Variants in DTYMK observed in about 807,000 individuals in gnomAD.
The protein encoded by DTYMK is thymidylate kinase.
A neutral mutation model predicts 20.3 loss-of-function variants in DTYMK; 20 were observed. That is an observed-to-expected ratio of 0.99 (90% confidence interval 0.69 to 1.43). The LOEUF (loss-of-function observed/expected upper bound fraction) is 1.43. Ranked by LOEUF, DTYMK falls within the 40% of genes most tolerant of loss-of-function variation. DTYMK has a pLI of 0.00. For missense variants in DTYMK, 320 were observed against 291.1 expected, an observed-to-expected ratio of 1.10 and a Z score of -0.72; for synonymous variants, 148 against 124.4, an observed-to-expected ratio of 1.19 and a Z score of -1.27.
chr2:241,676,013 G>A lies in DTYMK; in HGVS notation c.*114C>T. The A allele has an allele frequency of 9.7e-7, 1 of 1,035,642 alleles. No homozygotes were observed. Among genetic ancestry groups the A allele is most frequent in the Non-Finnish European group, 1.4e-6 (1 of 740,220 alleles). 64.2% of individuals were successfully genotyped at this position (1,035,642 alleles called of 1,614,324 possible). On this transcript the variant is annotated 3_prime_UTR_variant, in exon 5 of 5. Transcript: ENST00000305784. The stretch of plus-strand genomic sequence containing the variant: ...GGCAGCCTGCAGATCTCTGCTGCCG[G>A]GAAAGAGCTCCTGAAGTTGTGGGGT...
At chr2:241,676,736 C>T (rs1166794323) in intron 4 of DTYMK, among the ~76,000 whole-genome samples, 1 of 152,270 alleles carries the variant, frequency 6.6e-6, no homozygotes, top group Non-Finnish European at 1.5e-5. Flanking sequence ...TGCCCACTTG[C>T]AGGAGTGAGG....
rs769630524 is a variant in DTYMK at position 241,685,831 on chromosome 2, C to G, written c.177G>C (p.Lys59Asn). 1.9e-6 allele frequency: 3 copies of G among 1,614,070 alleles called. No individual in the cohort carries two copies. Among genetic ancestry groups the G allele is most frequent in the Non-Finnish European group, 2.5e-6 (3 of 1,180,026 alleles). ...CCGAGTGATCCTCCACGTCACTTTT[C>G]TTTTGCAAGTAGGAACTCAGAAGTT... The part of the protein sequence containing the change: ...IGKLLSSYLQ[K>N]KSDVEDHSVH... The change falls in exon 2 of 5, where the codon AAG (lysine) becomes AAC (asparagine). Residue 59 changes from lysine (K) to asparagine (N), a missense_variant. Lys to Asn is a moderately conservative substitution (Grantham distance 94, BLOSUM62 0). Coordinates refer to ENST00000305784, the MANE Select transcript of DTYMK (RefSeq NM_012145.4).
chr2:241,680,891 C>T (rs1250049393), intron 2 of DTYMK, among the ~76,000 whole-genome samples: 4 of 152,126 alleles, frequency 2.6e-5, no homozygotes, highest in Non-Finnish European at 5.9e-5. Flanking sequence ...TCCAGAAACA[C>T]GGCAGGGGAA....
At position 241,676,023 on chromosome 2, in the gene DTYMK, C is replaced by T. The variant is rs2069104645; in HGVS notation, c.*104G>A. On this transcript the variant is annotated 3_prime_UTR_variant, in exon 5 of 5. Transcript: ENST00000305784. ...AGATCTCTGCTGCCGGGAAAGAGCT[C>T]CTGAAGTTGTGGGGTCTGGACTCTG... 3.7e-6 allele frequency: 4 copies of T among 1,092,248 alleles called. No individual in the cohort carries two copies. The highest frequency in any genetic ancestry group is 3.1e-4 in the Middle Eastern group (1 of 3,186). The allele number at this position is 1,092,248 out of a possible 1,614,324, so 67.7% of individuals were successfully genotyped here.
chr2:241,681,765 C>T (rs996443081), intron 2 of DTYMK, among the ~76,000 whole-genome samples: 2 of 152,220 alleles, frequency 1.3e-5, no homozygotes, highest in Non-Finnish European at 2.9e-5. Flanking sequence ...GACAGCCGGA[C>T]GTGGTGGCTC....
chr2:241,678,623 C>G lies in DTYMK; in HGVS notation c.357G>C (p.Gln119His). Reference protein sequence around the residue: ...KENFSLDWCKQPDVGLPKPDL... With the variant: ...KENFSLDWCKHPDVGLPKPDL... ...CGGGTTTGGGAAGGCCCACGTCTGG[C>G]TGTTTACACCAATCTAGGGAAAAAT... The change falls in exon 4 of 5, where the codon CAG (glutamine) becomes CAC (histidine). Residue 119 changes from glutamine (Q) to histidine (H), a missense_variant. Coordinates refer to ENST00000305784, the MANE Select transcript of DTYMK (RefSeq NM_012145.4). 6.2e-7 allele frequency: 1 copy of G among 1,614,150 alleles called. No individual in the cohort carries two copies. The highest frequency in any genetic ancestry group is 8.5e-7 in the Non-Finnish European group (1 of 1,180,040).
chr2:241,676,819 C>T (rs549026519), intron 4 of DTYMK, among the ~76,000 whole-genome samples: 7 of 152,374 alleles, frequency 4.6e-5, no homozygotes, highest in Admixed American at 2.0e-4. Context: ...TCGCAAGCGG[C>T]GAGTCGGAAG....
intron 2 of DTYMK, among the ~76,000 whole-genome samples, chr2:241,681,498 T>C (rs2069256177): frequency 6.6e-6 from 1 of 152,098 alleles, no homozygotes; most frequent in Admixed American, 6.6e-5. Flanking sequence ...GAGACCTGCC[T>C]GGGCAATATA....
intron 4 of DTYMK, among the ~76,000 whole-genome samples, chr2:241,677,762 G>A (rs949051220): frequency 6.6e-6 from 1 of 152,252 alleles, no homozygotes; most frequent in Non-Finnish European, 1.5e-5. Context: ...CAGGACTGAA[G>A]GGAGAGGCAG....
At chr2:241,679,840 A>G (rs1057010641) in intron 3 of DTYMK, among the ~76,000 whole-genome samples, 1 of 151,978 alleles carries the variant, frequency 6.6e-6, no homozygotes, top group African/African-American at 2.4e-5. Context: ...ACGGTGGTGC[A>G]TGCCTATAAT....
chr2:241,682,346 A>G (rs1559286799), intron 2 of DTYMK: 2 of 384,204 alleles, frequency 5.2e-6, no homozygotes, highest in Non-Finnish European at 1.0e-5. Context: ...AAAAAAAGAA[A>G]AGAGAGAAAG....
rs1049583958 is a variant in DTYMK, at chr2:241,686,760, G to A, written c.24C>T (p.Leu8=). 2.6e-5 allele frequency: 39 copies of A among 1,484,272 alleles called. No homozygotes were observed. Among genetic ancestry groups the A allele is most frequent in the Admixed American group, 4.9e-5 (2 of 41,078 alleles). 91.9% of individuals were successfully genotyped at this position (1,484,272 alleles called of 1,614,324 possible). Residue 8 remains leucine, a synonymous_variant, in exon 1 of 5, where the codon CTC becomes CTT. Transcript: ENST00000305784. ...CGCGGTCCACGCCCTCCAGCACTAT[G>A]AGAGCCCCGCGCCGGGCCGCCATGA... MAARRGA[L]IVLEGVDRAG... is the part of the protein sequence containing the mutation.
At chr2:241,680,400 T>G (rs1376898338) in intron 2 of DTYMK, 81 bp from the exon 3 acceptor site, 15 of 1,489,182 alleles carry the variant, frequency 1.0e-5, no homozygotes, top group East Asian at 6.9e-5. Context: ...CAACAGGCTG[T>G]GCGCAGTGGC....
chr2:241,686,784 G>T lies in DTYMK; in HGVS notation c.-1C>A. 2 of 1,458,548 alleles carry T rather than the reference G, an allele frequency of 1.4e-6. No individual in the cohort carries two copies. The highest frequency in any genetic ancestry group is 2.8e-5 in the South Asian group (2 of 70,550). The allele number at this position is 1,458,548 out of a possible 1,614,324, so 90.4% of individuals were successfully genotyped here. On this transcript the variant is annotated 5_prime_UTR_variant, in exon 1 of 5. Coordinates refer to ENST00000305784, the MANE Select transcript of DTYMK (RefSeq NM_012145.4). ...TGAGAGCCCCGCGCCGGGCCGCCAT[G>T]ACTGTCCACCGCCCGCCGCTGGCGT... is the stretch of plus-strand genomic sequence containing the variant.
rs2069378763 is a variant in DTYMK at position 241,685,815 on chromosome 2, C to A, written c.193G>T (p.Asp65Tyr). ...GAAAAAAGCAGGTGCACCGAGTGAT[C>A]CTCCACGTCACTTTTCTTTTGCAAG... ...SYLQKKSDVE[D>Y]HSVHLLFSAN... The change falls in exon 2 of 5, where the codon GAT (aspartate) becomes TAT (tyrosine). Residue 65 changes from aspartate to tyrosine, a missense_variant. Transcript: ENST00000305784. 7.4e-6 allele frequency: 12 copies of A among 1,614,156 alleles called. No homozygotes were observed. The highest frequency in any genetic ancestry group is 1.1e-5 in the South Asian group (1 of 91,092).
In DTYMK at chr2:241,676,202, A is replaced by G. The variant is rs1425536558; in HGVS notation, c.564T>C (p.His188=). 3.7e-6 allele frequency: 6 copies of G among 1,613,180 alleles called. No individual in the cohort carries two copies. The highest frequency in any genetic ancestry group is 5.1e-6 in the Non-Finnish European group (6 of 1,179,814). ...CCTCAGAGAGCACGCGGATGTCCTC[A>G]TGGACAGCTTCGATGCTTTTGGAAG... ...VDASKSIEAV[H]EDIRVLSEDA... is the part of the protein sequence containing the mutation. The change falls in exon 5 of 5, where the codon CAT becomes CAC. Residue 188 remains histidine, a synonymous_variant. Coordinates refer to ENST00000305784, the MANE Select transcript of DTYMK (RefSeq NM_012145.4).
chr2:241,677,890 G>A (rs779450809), intron 4 of DTYMK, among the ~76,000 whole-genome samples: 6 of 152,230 alleles, frequency 3.9e-5, no homozygotes, highest in Non-Finnish European at 7.3e-5. Flanking sequence ...TCTGAAGAGG[G>A]GCTGAGGATG....
At chr2:241,678,108 T>C (rs1405589394) in intron 4 of DTYMK, among the ~76,000 whole-genome samples, 2 of 151,680 alleles carry the variant, frequency 1.3e-5, no homozygotes, top group African/African-American at 2.4e-5. Flanking sequence ...AAACCCCATC[T>C]CTACAAAAAA....
chr2:241,681,218 G>C (rs1469411814), intron 2 of DTYMK, among the ~76,000 whole-genome samples: 2 of 152,214 alleles, frequency 1.3e-5, no homozygotes, highest in African/African-American at 4.8e-5. Context: ...AGTCTCACTG[G>C]GGCCTTCAAA....
Sources: gnomAD v4.1 joint callset for allele counts (sites outside exome capture counted in the v4.1 genomes callset) on GRCh38, gnomAD v4.1.1 for gene constraint, MANE v1.5 for transcripts, NCBI Gene and HGNC (gene_info 2026-07-23, HGNC 2026-07-21) for gene names.